Variants in KDM7A observed in about 807,000 individuals in gnomAD.
KDM7A encodes lysine-specific demethylase 7A.
Under a neutral mutation model 114.8 loss-of-function variants are expected in KDM7A, and 28 were observed. The ratio of observed to expected loss-of-function variants is 0.24; its 90% confidence interval spans 0.18 to 0.33. The LOEUF is 0.33. KDM7A is among the 10% of genes least tolerant of loss of function. KDM7A has a pLI of 1.00. For missense variants in KDM7A, 942 were observed against 1,142.5 expected (o/e 0.82, Z 2.53); for synonymous variants, 423 against 397.8 (o/e 1.06, Z -0.75).
chr7:140,159,284 T>A (rs553013448), intron 1 of KDM7A, among the ~76,000 whole-genome samples: 1 of 152,018 alleles, frequency 6.6e-6, no homozygotes, highest in African/African-American at 2.4e-5. Flanking sequence ...GAGGTGGAGA[T>A]TGCAGTGAGC....
intron 4 of KDM7A, among the ~76,000 whole-genome samples, chr7:140,128,763 A>G (rs779663951): frequency 4.6e-4 from 70 of 152,218 alleles, no homozygotes; most frequent in Non-Finnish European, 1.6e-4. Flanking sequence ...TACAATTTTG[A>G]GTCAAAATAG....
At chr7:140,100,682 A>ACG (rs1818192187) in intron 12 of KDM7A, among the ~76,000 whole-genome samples, 1 of 37,202 alleles carries the variant, frequency 2.7e-5, no homozygotes, top group Non-Finnish European at 5.2e-5. Context: ...ATATATATAC[A>ACG]TATATACATA....
rs1387192400 is a variant in KDM7A at position 140,085,975 on chromosome 7, T to C, written c.*5119A>G. The stretch of plus-strand genomic sequence containing the variant: ...GTTATTTTATGCCTGCAAAGTATTA[T>C]ATATTCCAGCACTTATGATCATTGT... On this transcript the variant is annotated 3_prime_UTR_variant, in exon 20 of 20. Transcript: ENST00000397560. 1.3e-5 allele frequency: 2 copies of C among 152,226 alleles called. No individual in the cohort carries two copies. The highest frequency in any genetic ancestry group is 1.9e-4 in the East Asian group (1 of 5,202). The allele number at this position is 152,226 out of a possible 1,614,324, so 9.4% of individuals were successfully genotyped here.
chr7:140,126,966 T>A, intron 5 of KDM7A, 143 bp from the exon 6 acceptor site: 7 of 667,906 alleles, frequency 1.0e-5, no homozygotes, highest in Non-Finnish European at 1.8e-5. Flanking sequence ...AAACACATGT[T>A]TGTTTGTTTT....
intron 1 of KDM7A, among the ~76,000 whole-genome samples, chr7:140,151,706 G>A (rs1794402314): frequency 6.6e-6 from 1 of 152,108 alleles, no homozygotes. Context: ...CTTTCATGTA[G>A]TTCCTAAATG....
At chr7:140,167,247 T>A (rs186624618) in intron 1 of KDM7A, among the ~76,000 whole-genome samples, 17 of 152,050 alleles carry the variant, frequency 1.1e-4, no homozygotes, top group African/African-American at 3.6e-4. Context: ...AGGTTGATAC[T>A]AAAGTTCATA....
intron 2 of KDM7A, among the ~76,000 whole-genome samples, chr7:140,134,453 G>C (rs1191522064): frequency 6.6e-6 from 1 of 152,100 alleles, no homozygotes; most frequent in Non-Finnish European, 1.5e-5. Context: ...AGGGGAGATG[G>C]GGAAAAAGCC....
At chr7:140,100,746 A>T (rs1426422738) in intron 12 of KDM7A, among the ~76,000 whole-genome samples, 102 of 50,630 alleles carry the variant, frequency 2.0e-3, no homozygotes, top group African/African-American at 8.4e-3. Context: ...ATATATACAT[A>T]TATATTTTTT....
At chr7:140,107,326 G>A (rs943919694) in intron 11 of KDM7A, among the ~76,000 whole-genome samples, 16 of 152,148 alleles carry the variant, frequency 1.1e-4, no homozygotes, top group Non-Finnish European at 2.4e-4. Context: ...GATGTTAGCT[G>A]CTTATTTTGC....
At chr7:140,139,019 A>T in intron 2 of KDM7A, 86 bp downstream of exon 2, 1 of 820,658 alleles carries the variant, frequency 1.2e-6, no homozygotes, top group Non-Finnish European at 2.0e-6. Flanking sequence ...TCCTCAGAGT[A>T]TCATTAAAGT....
At position 140,176,187 on chromosome 7, in the gene KDM7A, AG is replaced by A; in HGVS notation, c.194+556del. Among the ~76,000 whole-genome samples the A allele has an allele frequency of 6.6e-6, 1 of 151,740 alleles. No homozygotes were observed. The highest frequency in any genetic ancestry group is 1.5e-5 in the Non-Finnish European group (1 of 67,868). ...GCCGCTGCCCCCGTCCCACTGGCCCAGGAAGTTTGATAAAGACGGGGAAGGG... is the reference window on the plus strand; with the variant it reads ...GCCGCTGCCCCCGTCCCACTGGCCCAGAAGTTTGATAAAGACGGGGAAGGG... On this transcript the variant is annotated intron_variant, in intron 1 of 19. Transcript: ENST00000397560. The surrounding 1 kb of genome is among the most constrained non-coding windows in gnomAD (Gnocchi z 4.4).
chr7:140,147,235 C>CT (rs1229672713), intron 1 of KDM7A, among the ~76,000 whole-genome samples: 1 of 152,022 alleles, frequency 6.6e-6, no homozygotes, highest in Non-Finnish European at 1.5e-5. Flanking sequence ...GAACTGAGCT[C>CT]TTTAAGATTT....
At chr7:140,104,260 T>G (rs577830809) in intron 11 of KDM7A, among the ~76,000 whole-genome samples, 1 of 152,196 alleles carries the variant, frequency 6.6e-6, no homozygotes, top group Non-Finnish European at 1.5e-5. Context: ...ATTGTGTAGG[T>G]TGCCTGTTCA....
intron 9 of KDM7A, among the ~76,000 whole-genome samples, chr7:140,117,959 G>T (rs912979331): frequency 6.6e-6 from 1 of 152,148 alleles, no homozygotes; most frequent in African/African-American, 2.4e-5. Context: ...TGTGAGGTGG[G>T]GGGTTTAGGG....
rs66468911 is a variant in KDM7A at position 140,100,679 on chromosome 7, T to TAC, written c.1639-658_1639-657dup. Among the ~76,000 whole-genome samples, 69 of 63,956 alleles carry TAC rather than the reference T, an allele frequency of 1.1e-3. 1 individual carries two copies. The highest frequency in any genetic ancestry group is 3.1e-3 in the African/African-American group (46 of 14,610). The allele number at this position is 63,956 out of a possible 152,430, so 42.0% of individuals were successfully genotyped here. On this transcript the variant is annotated intron_variant, in intron 12 of 19. Transcript: ENST00000397560. The stretch of plus-strand genomic sequence containing the variant: ...AAAAAGTTATATATATATATATATA[T>TAC]ACATATATACATATATATATATATA...
chr7:140,103,921 A>C (rs1025289904), intron 11 of KDM7A, among the ~76,000 whole-genome samples: 3 of 152,154 alleles, frequency 2.0e-5, no homozygotes, highest in Non-Finnish European at 2.9e-5. Context: ...GTTTACAGTC[A>C]CAACAACAGT....
chr7:140,162,206 A>G (rs1794527628), intron 1 of KDM7A, among the ~76,000 whole-genome samples: 1 of 152,184 alleles, frequency 6.6e-6, no homozygotes, highest in Non-Finnish European at 1.5e-5. Context: ...ATAGTGGCAC[A>G]TGCCTGTAAT....
chr7:140,176,948 C>T lies in KDM7A; in HGVS notation c.-11G>A. ...CGCCGCTCCGGCCATCTTTAAAAAA[C>T]ACACACACGCTCGCTCGCTACTCCG... On this transcript the variant is annotated 5_prime_UTR_variant, in exon 1 of 20. Coordinates refer to ENST00000397560, the MANE Select transcript of KDM7A (RefSeq NM_030647.2). This position sits in a 1 kb window ranked among gnomAD's most constrained non-coding sequence, Gnocchi z 4.4. The T allele has an allele frequency of 8.8e-7, 1 of 1,139,214 alleles. No individual in the cohort carries two copies. 70.6% of individuals were successfully genotyped at this position (1,139,214 alleles called of 1,614,324 possible).
At chr7:140,110,377 A>G (rs189451396) in intron 11 of KDM7A, among the ~76,000 whole-genome samples, 4 of 152,324 alleles carry the variant, frequency 2.6e-5, no homozygotes, top group Admixed American at 2.6e-4. Context: ...ATCTGAACAC[A>G]TTGAGAATTA....
Sources: allele counts gnomAD v4.1 joint callset (sites outside exome capture counted in the v4.1 genomes callset), GRCh38; gene constraint gnomAD v4.1.1; non-coding constraint Gnocchi (gnomAD v3.1); transcripts MANE v1.5; gene names NCBI Gene and HGNC (gene_info 2026-07-23, HGNC 2026-07-21).